Variants in ICA1 observed in about 807,000 individuals in gnomAD.
ICA1 encodes the protein 69 kDa islet cell autoantigen.
ICA1 carries 40 observed loss-of-function variants against 71.0 expected under a neutral mutation model. The ratio of observed to expected loss-of-function variants is 0.56; its 90% CI spans 0.44 to 0.73. ICA1 has a LOEUF of 0.73. Among genes scored for constraint, ICA1 ranks in the 30% least tolerant of loss-of-function variants. ICA1 has a pLI of 0.00. For synonymous variants in ICA1, 207 were observed against 209.5 expected (o/e 0.99, Z 0.10); for missense variants, 578 against 576.5 (o/e 1.00, Z -0.03).
At chr7:8,120,878 G>C (rs1202213929) in intron 13 of ICA1, among the ~76,000 whole-genome samples, 1 of 152,232 alleles carries the variant, frequency 6.6e-6, no homozygotes, top group Non-Finnish European at 1.5e-5. Context: ...CCAGCGGGGA[G>C]AGCCGAAGCC....
rs533320806 is a variant in ICA1, at chr7:8,192,938, T to G, written c.579+25367A>C. On this transcript the variant is annotated intron_variant, in intron 6 of 13. Transcript: ENST00000402384. ...TTATTCTGCAGGTACTTTCTTCATT[T>G]TTGGCATGACATGATGTTCCAGGCT... Among the ~76,000 whole-genome samples, 15 of 152,372 alleles carry G rather than the reference T, an allele frequency of 9.8e-5. No homozygotes were observed. In the East Asian group the frequency reaches 2.9e-3, roughly 29 times the overall value.
At position 8,233,276 on chromosome 7, in the gene ICA1, C is replaced by T. The variant is rs544275696; in HGVS notation, c.18-521G>A. On this transcript the variant is annotated intron_variant, in intron 2 of 13. Transcript: ENST00000402384. ...GAAGCAGAGAGTAGAATGGCAGTTA[C>T]GAGTGGCTAGAAGGTAGGAAGAAAT... Among the ~76,000 whole-genome samples the T allele has an allele frequency of 3.2e-4, 49 of 152,158 alleles. 1 individual carries two copies. In the South Asian group the frequency reaches 9.6e-3, roughly 30 times the overall value.
chr7:8,231,895 T>A (rs1800390265), intron 3 of ICA1, among the ~76,000 whole-genome samples: 1 of 152,220 alleles, frequency 6.6e-6, no homozygotes, highest in Admixed American at 6.5e-5. Context: ...CCATTAAATG[T>A]TCAGTTCATT....
At chr7:8,117,027 T>C (rs1156902174) in intron 13 of ICA1, among the ~76,000 whole-genome samples, 3 of 152,206 alleles carry the variant, frequency 2.0e-5, no homozygotes, top group African/African-American at 7.2e-5. Context: ...TGGGGATGGT[T>C]TCCCCCATGC....
rs768044989 is a variant in ICA1 at position 8,228,676 on chromosome 7, G to A, written c.184-3C>T. On this transcript the variant is annotated splice_region_variant and splice_polypyrimidine_tract_variant and intron_variant, in intron 3 of 13. Transcript: ENST00000402384. ...GTTCTCTGAATTGAATGAAACAGCT[G>A]TAATAAAAATACAAACAAAATGCAA... is the stretch of plus-strand genomic sequence containing the variant. The A allele has an allele frequency of 1.4e-5, 22 of 1,588,960 alleles. No homozygotes were observed. Among genetic ancestry groups the A allele is most frequent in the Non-Finnish European group, 1.8e-5 (21 of 1,165,034 alleles).
At chr7:8,145,665 T>C (rs1282180762) in intron 8 of ICA1, among the ~76,000 whole-genome samples, 1 of 151,018 alleles carries the variant, frequency 6.6e-6, no homozygotes, top group East Asian at 1.9e-4. Flanking sequence ...AAATTACTCA[T>C]AATTCCATAT....
chr7:8,146,573 G>T (rs149685087), intron 8 of ICA1, among the ~76,000 whole-genome samples: 2 of 151,960 alleles, frequency 1.3e-5, no homozygotes, highest in African/African-American at 4.8e-5. Context: ...TGCAATACAC[G>T]ATCCTTGGCT....
intron 10 of ICA1, among the ~76,000 whole-genome samples, chr7:8,140,091 A>C (rs1794701886): frequency 1.3e-5 from 2 of 152,238 alleles, no homozygotes; most frequent in South Asian, 4.1e-4. Context: ...TATTGTATGA[A>C]TATATAATTT....
At chr7:8,183,056 G>C (rs1782707318) in intron 6 of ICA1, among the ~76,000 whole-genome samples, 1 of 152,196 alleles carries the variant, frequency 6.6e-6, no homozygotes, top group Non-Finnish European at 1.5e-5. Flanking sequence ...CTTTCCTAAA[G>C]ACTCCAGAAT....
chr7:8,169,310 A>G (rs1483354385), intron 6 of ICA1, among the ~76,000 whole-genome samples: 4 of 152,096 alleles, frequency 2.6e-5, no homozygotes, highest in African/African-American at 4.8e-5. Flanking sequence ...TTTTGAGTAA[A>G]GCTGTTATAA....
chr7:8,147,232 T>C (rs560338616), intron 8 of ICA1, among the ~76,000 whole-genome samples: 2 of 152,164 alleles, frequency 1.3e-5, no homozygotes, highest in South Asian at 2.1e-4. Context: ...ATAACCACAC[T>C]TGAGCAGCTC....
rs1373214753 is a variant in ICA1, at chr7:8,152,742, ACCACC to A, written c.804+4369_804+4373del. ...CTCCACCATCACCACCACCACCACA[ACCACC>A]ATCTCCTTCATCACCACTACCCCCA... On this transcript the variant is annotated intron_variant, in intron 8 of 13. Transcript: ENST00000402384. Among the ~76,000 whole-genome samples, 14 of 119,244 alleles carry A rather than the reference ACCACC, an allele frequency of 1.2e-4. No homozygotes were observed. The South Asian group carries it at 2.4e-3, about 20-fold the overall frequency. The allele number at this position is 119,244 out of a possible 152,430, so 78.2% of individuals were successfully genotyped here.
rs1794332885 is a variant in ICA1, at chr7:8,139,054, T to C, written c.956-7A>G. 1.2e-6 allele frequency: 2 copies of C among 1,610,458 alleles called. No individual in the cohort carries two copies. Among genetic ancestry groups the C allele is most frequent in the East Asian group, 2.2e-5 (1 of 44,852 alleles). On this transcript the variant is annotated splice_region_variant and splice_polypyrimidine_tract_variant and intron_variant, in intron 10 of 13. Transcript: ENST00000402384. Reference sequence around the variant, plus strand: ...ATACTTTTTCCATCTTCAGCTGTAATATAACATGTGCAACTGGTTACCAAC... The same window carrying C: ...ATACTTTTTCCATCTTCAGCTGTAACATAACATGTGCAACTGGTTACCAAC...
At chr7:8,214,597 C>T (rs1448266580) in intron 6 of ICA1, among the ~76,000 whole-genome samples, 1 of 152,196 alleles carries the variant, frequency 6.6e-6, no homozygotes, top group East Asian at 1.9e-4. Context: ...CTGGCAGGGT[C>T]CTTCTTGAAG....
At chr7:8,208,351 T>C (rs567485086) in intron 6 of ICA1, among the ~76,000 whole-genome samples, 4 of 152,298 alleles carry the variant, frequency 2.6e-5, no homozygotes, top group Non-Finnish European at 5.9e-5. Context: ...CTGCTCCTGT[T>C]TGAAATTTAA....
chr7:8,194,064 A>G (rs149117914), intron 6 of ICA1, among the ~76,000 whole-genome samples: 48 of 152,298 alleles, frequency 3.2e-4, no homozygotes, highest in African/African-American at 1.2e-3. Flanking sequence ...AGATAAAATG[A>G]TTTTTTAAAA....
rs116076477 is a variant in ICA1, at chr7:8,250,268, T to C, written c.-80+11826A>G. 1.1e-3 allele frequency among the ~76,000 whole-genome samples: 163 copies of C among 152,316 alleles called. 1 individual carries two copies. Among genetic ancestry groups the C allele is most frequent in the African/African-American group, 3.7e-3 (153 of 41,562 alleles). ...GAGAAGTGTATTTGAGTATAAATAT[T>C]AAAATAGTTTCAGTAGAAGCAGTGA... On this transcript the variant is annotated intron_variant, in intron 1 of 13. Transcript: ENST00000402384.
At position 8,143,931 on chromosome 7, in the gene ICA1, C is replaced by G; in HGVS notation, c.846G>C (p.Glu282Asp). 1.2e-6 allele frequency: 2 copies of G among 1,612,388 alleles called. No homozygotes were observed. Among genetic ancestry groups the G allele is most frequent in the Non-Finnish European group, 1.7e-6 (2 of 1,178,700 alleles). The stretch of plus-strand genomic sequence containing the variant: ...TTTCCTGCTGGTTGATTTTCTTCTT[C>G]TCTTCTTTCTCAACTAATTTTTTCA... ...DPMKKLVEKE[E>D]KKKINQQEST... Residue 282 changes from glutamate (E) to aspartate (D), a missense_variant, in exon 9 of 14, where the codon GAG becomes GAC. By Grantham distance (45) the Glu-to-Asp change is conservative (BLOSUM62 2). Transcript: ENST00000402384.
chr7:8,133,890 T>C (rs994349535), intron 12 of ICA1, among the ~76,000 whole-genome samples: 4 of 143,872 alleles, frequency 2.8e-5, no homozygotes, highest in African/African-American at 1.1e-4. Context: ...ATCTTAGAGA[T>C]CATCTCCTCT....
Sources: gnomAD v4.1 joint callset for allele counts (sites outside exome capture counted in the v4.1 genomes callset) on GRCh38, gnomAD v4.1.1 for gene constraint, MANE v1.5 for transcripts, NCBI Gene and HGNC (gene_info 2026-07-23, HGNC 2026-07-21) for gene names.